NEO1: variants seen among roughly 807,000 people sequenced by gnomAD.
NEO1 encodes neogenin 1, also known as neogenin.
In NEO1, 63 loss-of-function variants were observed where a neutral mutation model predicts 159.7. The observed-to-expected ratio is 0.39, with a 90% CI of 0.32 to 0.49. The LOEUF is 0.49. NEO1 is among the 20% of genes least tolerant of loss of function. The probability of loss-of-function intolerance (pLI) is 0.85; values close to 1 mark genes in which losing one functional copy is unlikely to be tolerated. For synonymous variants in NEO1, 633 were observed against 662.0 expected (o/e 0.96, Z 0.67); for missense variants, 1,615 against 1,831.0 (o/e 0.88, Z 2.15).
At chr15:73,263,840 C>T (rs1030864905) in intron 15 of NEO1, among the ~76,000 whole-genome samples, 4 of 152,154 alleles carry the variant, frequency 2.6e-5, no homozygotes, top group African/African-American at 9.7e-5. Context: ...GTATCCCCCA[C>T]GTGAACATCT....
chr15:73,208,522 T>C (rs528750365), intron 7 of NEO1, among the ~76,000 whole-genome samples: 1 of 152,218 alleles, frequency 6.6e-6, no homozygotes. Context: ...GCCTGTTTTC[T>C]AAAGCTTCTT....
At chr15:73,279,042 A>G (rs2041550442) in intron 22 of NEO1, among the ~76,000 whole-genome samples, 1 of 152,198 alleles carries the variant, frequency 6.6e-6, no homozygotes, top group Non-Finnish European at 1.5e-5. Context: ...CTAGTAACTC[A>G]TAGTCTAATT....
intron 25 of NEO1, among the ~76,000 whole-genome samples, chr15:73,289,744 A>C (rs2042088791): frequency 1.3e-5 from 2 of 152,114 alleles, no homozygotes; most frequent in Admixed American, 6.5e-5. Context: ...GGAGTTCTAG[A>C]CCAGCCTGGG....
intron 7 of NEO1, among the ~76,000 whole-genome samples, chr15:73,206,683 G>T (rs979123944): frequency 2.0e-5 from 3 of 151,912 alleles, no homozygotes; most frequent in African/African-American, 7.3e-5. Context: ...TTGCTTATCT[G>T]CTCATTTGAA....
At chr15:73,183,219 G>A (rs2035719890) in intron 7 of NEO1, among the ~76,000 whole-genome samples, 1 of 152,130 alleles carries the variant, frequency 6.6e-6, no homozygotes, top group Non-Finnish European at 1.5e-5. Flanking sequence ...GAATGATGCA[G>A]AGAGGCCTTT....
At chr15:73,229,475 A>G (rs2038789235) in intron 7 of NEO1, among the ~76,000 whole-genome samples, 1 of 148,002 alleles carries the variant, frequency 6.8e-6, no homozygotes, top group African/African-American at 2.5e-5. Context: ...CAGTAGATTC[A>G]TGAGGGTTTT....
In NEO1 at chr15:73,270,010, A is replaced by G; in HGVS notation, c.2495A>G (p.Asp832Gly). 2 of 1,611,512 alleles carry G rather than the reference A, an allele frequency of 1.2e-6. 1 individual carries two copies. Reference protein sequence around the residue: ...YESAVTRPHTDTSEVDLFVIN... With the variant: ...YESAVTRPHTGTSEVDLFVIN... Reference sequence around the variant, plus strand: ...CCTTTTTAAATTATTTTCTGCTCAGACACTTCTGAAGTTGATTTATTTGTT... The same window carrying G: ...CCTTTTTAAATTATTTTCTGCTCAGGCACTTCTGAAGTTGATTTATTTGTT... Residue 832 changes from aspartate to glycine, a missense_variant and splice_region_variant, in exon 17 of 29, where the codon GAC (aspartate) becomes GGC (glycine). Asp to Gly is a moderately conservative substitution (Grantham distance 94). Coordinates refer to ENST00000261908, the MANE Select transcript of NEO1 (RefSeq NM_002499.4).
chr15:73,083,151 T>C (rs1188545584), intron 1 of NEO1, among the ~76,000 whole-genome samples: 1 of 152,166 alleles, frequency 6.6e-6, no homozygotes, highest in African/African-American at 2.4e-5. Flanking sequence ...TGTTGAATTG[T>C]GTAGTTAAGC....
intron 9 of NEO1, among the ~76,000 whole-genome samples, chr15:73,244,954 C>CAAAAAAAAAA (rs57566986): frequency 0.04 from 661 of 16,514 alleles, 168 homozygotes; most frequent in Middle Eastern, 0.17. Context: ...GACTCTGTCT[C>CAAAAAAAAAA]AAAAAAAAAA....
rs548443359 is a variant in NEO1 at position 73,113,247 on chromosome 15, TAA to T, written c.131-3292_131-3291del. On this transcript the variant is annotated intron_variant, in intron 1 of 28. Coordinates refer to ENST00000261908, the MANE Select transcript of NEO1 (RefSeq NM_002499.4). ...AGAATTTACAAAAACTGTTTGTTAT[TAA>T]GTCTTAGTGTGGAAAGGAGTGATAC... Among the ~76,000 whole-genome samples the T allele has an allele frequency of 7.7e-4, 117 of 152,270 alleles. 1 individual carries two copies. The highest frequency in any genetic ancestry group is 2.7e-3 in the African/African-American group (113 of 41,562).
In NEO1 at chr15:73,260,475, C is replaced by A; in HGVS notation, c.2398+10C>A. The A allele has an allele frequency of 6.4e-7, 1 of 1,568,504 alleles. No individual in the cohort carries two copies. The highest frequency in any genetic ancestry group is 8.7e-7 in the Non-Finnish European group (1 of 1,147,438). ...ACCATTGAAAATCTGGGTATGTTTGCTAAGTAGAGAAAGTTAATTGTGTGG... is the reference window on the plus strand; with the variant it reads ...ACCATTGAAAATCTGGGTATGTTTGATAAGTAGAGAAAGTTAATTGTGTGG... On this transcript the variant is annotated intron_variant, in intron 15 of 28. Transcript: ENST00000261908.
rs77602945 is a variant in NEO1, at chr15:73,170,099, A to G, written c.1016-6304A>G. Among the ~76,000 whole-genome samples, 1,301 of 152,276 alleles carry G rather than the reference A, an allele frequency of 8.5e-3. 22 individuals carry two copies. Among genetic ancestry groups the G allele is most frequent in the African/African-American group, 0.03 (1,229 of 41,556 alleles). ...TATCCAGTTGGTAATACAGCCACAC[A>G]GTAAGTTACAATTCTAAGTATATGG... On this transcript the variant is annotated intron_variant, in intron 5 of 28. Coordinates refer to ENST00000261908, the MANE Select transcript of NEO1 (RefSeq NM_002499.4).
intron 1 of NEO1, among the ~76,000 whole-genome samples, chr15:73,064,058 T>TA (rs2068094417): frequency 6.6e-6 from 1 of 152,234 alleles, no homozygotes; most frequent in African/African-American, 2.4e-5. Flanking sequence ...AAGAATACTT[T>TA]AAAAAAATTC....
upstream of NEO1, among the ~76,000 whole-genome samples, chr15:73,052,325 T>C (rs1595870701): frequency 8.4e-6 from 1 of 119,702 alleles, no homozygotes; most frequent in African/African-American, 3.2e-5. Context: ...GCCCCCGCCG[T>C]CCGCGGTCTC....
At chr15:73,118,699 A>T (rs536781361) in intron 2 of NEO1, among the ~76,000 whole-genome samples, 1 of 152,314 alleles carries the variant, frequency 6.6e-6, no homozygotes, top group African/African-American at 2.4e-5. Flanking sequence ...ACATTCTGTG[A>T]TGACTGCATA....
intron 7 of NEO1, among the ~76,000 whole-genome samples, chr15:73,230,903 AT>A (rs35141843): frequency 0.078 from 11,838 of 152,094 alleles, 552 homozygotes; most frequent in Non-Finnish European, 0.097. Context: ...TGTTAAAAAA[AT>A]TTTTTTAAAT....
chr15:73,163,090 T>G (rs1207223379), intron 5 of NEO1, among the ~76,000 whole-genome samples: 5 of 152,254 alleles, frequency 3.3e-5, no homozygotes, highest in African/African-American at 1.2e-4. Flanking sequence ...GTTTTATACT[T>G]TACTTGTTAG....
At chr15:73,200,962 A>G (rs760518899) in intron 7 of NEO1, among the ~76,000 whole-genome samples, 17 of 152,046 alleles carry the variant, frequency 1.1e-4, no homozygotes, top group Non-Finnish European at 1.8e-4. Flanking sequence ...GTTTATAGGC[A>G]TGAACCAGCG....
At chr15:73,274,173 G>GACC (rs71442376) in intron 20 of NEO1, among the ~76,000 whole-genome samples, 168 bp downstream of exon 20, 64,917 of 151,790 alleles carry the variant, frequency 0.43, 15,262 homozygotes, top group Non-Finnish European at 0.53. Flanking sequence ...CCTACTCATT[G>GACC]ACCAAATCAG....
Sources: allele counts gnomAD v4.1 joint callset (sites outside exome capture counted in the v4.1 genomes callset), GRCh38; gene constraint gnomAD v4.1.1; transcripts MANE v1.5; gene names NCBI Gene and HGNC (gene_info 2026-07-23, HGNC 2026-07-21).